The following TGM4 variants were observed in gnomAD, a reference collection of about 807,000 sequenced individuals.
The protein encoded by TGM4 is protein-glutamine gamma-glutamyltransferase 4.
Under a neutral mutation model 76.3 loss-of-function variants are expected in TGM4, and 61 were observed. The ratio of observed to expected loss-of-function variants is 0.80; its 90% confidence interval spans 0.65 to 0.99. The LOEUF is 0.99. Ranked by LOEUF, TGM4 falls within the 50% of genes least tolerant of loss-of-function variation. The pLI, the probability that TGM4 is intolerant of heterozygous loss-of-function variation, is 0.00. For synonymous variants in TGM4, 337 were observed against 329.8 expected, an observed-to-expected ratio of 1.02 and a Z score of -0.24; for missense variants, 794 against 843.2, an observed-to-expected ratio of 0.94 and a Z score of 0.72.
At chr3:44,912,318 C>T (rs926315597) in intron 13 of TGM4, among the ~76,000 whole-genome samples, 1 of 152,036 alleles carries the variant, frequency 6.6e-6, no homozygotes, top group South Asian at 2.1e-4. Context: ...AGGTATTTAT[C>T]TGGAATTTTT....
At chr3:44,881,950 C>T (rs1429904447) in intron 1 of TGM4, among the ~76,000 whole-genome samples, 1 of 151,820 alleles carries the variant, frequency 6.6e-6, no homozygotes, top group Non-Finnish European at 1.5e-5. Context: ...TTTTTCTTTG[C>T]AGGTTTCCCT....
chr3:44,903,819 G>A (rs984303107), intron 8 of TGM4, 65 bp from the exon 9 acceptor site: 2 of 1,433,674 alleles, frequency 1.4e-6, no homozygotes, highest in Admixed American at 1.7e-5. Flanking sequence ...GGCAATTTTG[G>A]CGTATTTATC....
rs1312259838 is a variant in TGM4 at position 44,883,275 on chromosome 3, G to A, written c.20-2050G>A. 2.0e-5 allele frequency among the ~76,000 whole-genome samples: 3 copies of A among 152,200 alleles called. No individual in the cohort carries two copies. In the East Asian group the frequency reaches 5.8e-4, roughly 29 times the overall value. ...CTAAAATTCAGGGGTTGCCAATGTGGTGATACTAAGAGGTGGGGCCTTTAA... is the reference window on the plus strand; with the variant it reads ...CTAAAATTCAGGGGTTGCCAATGTGATGATACTAAGAGGTGGGGCCTTTAA... On this transcript the variant is annotated intron_variant, in intron 1 of 13. Coordinates refer to ENST00000296125, the MANE Select transcript of TGM4 (RefSeq NM_003241.4).
intron 2 of TGM4, among the ~76,000 whole-genome samples, 191 bp downstream of exon 2, chr3:44,885,689 G>T (rs2125749169): frequency 6.6e-6 from 1 of 152,146 alleles, no homozygotes; most frequent in East Asian, 1.9e-4. Context: ...GTCAGGACCT[G>T]GCACATAGTG....
intron 10 of TGM4, among the ~76,000 whole-genome samples, chr3:44,908,193 C>T (rs1400500426): frequency 6.6e-6 from 1 of 152,120 alleles, no homozygotes; most frequent in Non-Finnish European, 1.5e-5. Flanking sequence ...CAAGGCAGCT[C>T]AGGACAAACT....
At chr3:44,904,255 G>A (rs114454622) in intron 9 of TGM4, among the ~76,000 whole-genome samples, 138 of 152,286 alleles carry the variant, frequency 9.1e-4, no homozygotes, top group African/African-American at 3.0e-3. Context: ...CATACCATGC[G>A]CAGTACCTAC....
intron 4 of TGM4, among the ~76,000 whole-genome samples, chr3:44,892,889 A>G (rs9816639): frequency 0.11 from 16,794 of 152,186 alleles, 1,096 homozygotes; most frequent in Middle Eastern, 0.17. Context: ...CATCATCTTT[A>G]GATTCAGGTT....
intron 13 of TGM4, among the ~76,000 whole-genome samples, chr3:44,913,132 C>T (rs934315460): frequency 6.6e-6 from 1 of 151,420 alleles, no homozygotes; most frequent in African/African-American, 2.4e-5. Context: ...TAGGGTGGAG[C>T]CTCAGATTCT....
rs1461825715 is a variant in TGM4 at position 44,901,622 on chromosome 3, C to T, written c.756C>T (p.Ile252=). 4 of 1,614,202 alleles carry T rather than the reference C, an allele frequency of 2.5e-6. No individual in the cohort carries two copies. In the South Asian group the frequency reaches 3.3e-5, roughly 13 times the overall value. ...APYKWTGSAP[I]LQQYYNTKQA... ...ACAAGTGGACAGGCAGTGCCCCGAT[C>T]CTGCAGCAGTACTACAACACGAAGC... Residue 252 remains isoleucine (I), a synonymous_variant, in exon 7 of 14, where the codon ATC becomes ATT. Coordinates refer to ENST00000296125, the MANE Select transcript of TGM4 (RefSeq NM_003241.4).
At chr3:44,902,003 G>C (rs529714928) in intron 8 of TGM4, 72 bp downstream of exon 8, 24 of 1,553,680 alleles carry the variant, frequency 1.5e-5, no homozygotes, top group South Asian at 1.3e-4. Context: ...TTAGAAACAG[G>C]GTCTCTCGCT....
chr3:44,892,826 T>TAGA (rs1241948117), intron 4 of TGM4, among the ~76,000 whole-genome samples: 1 of 152,224 alleles, frequency 6.6e-6, no homozygotes, highest in Non-Finnish European at 1.5e-5. Context: ...TTTTGAGGAC[T>TAGA]AGAAGTCCCC....
At chr3:44,899,442 C>G (rs1416164363) in intron 6 of TGM4, 1 of 152,212 alleles carries the variant, frequency 6.6e-6, no homozygotes, top group African/African-American at 2.4e-5. Context: ...TGCAGATTAG[C>G]TTCCACGCTC....
Position 44,911,423 on chromosome 3 carries a change from T to C in TGM4, c.1913+17T>C. The C allele has an allele frequency of 6.2e-7, 1 of 1,613,304 alleles. No individual in the cohort carries two copies. Among genetic ancestry groups the C allele is most frequent in the African/African-American group, 1.3e-5 (1 of 75,030 alleles). ...TGACCATGGGTGAGTCTGCCTGAGG[T>C]ATTCTTAGAAATATGCTTCTGGACA... is the stretch of plus-strand genomic sequence containing the variant. On this transcript the variant is annotated intron_variant, in intron 13 of 13. Transcript: ENST00000296125.
intron 5 of TGM4, among the ~76,000 whole-genome samples, chr3:44,894,660 T>A (rs111716855): frequency 6.6e-6 from 1 of 151,260 alleles, no homozygotes; most frequent in African/African-American, 2.4e-5. Flanking sequence ...CCCCCAAGAT[T>A]TGACAACAAA....
chr3:44,890,450 C>T (rs1699676116), intron 3 of TGM4, 153 bp from the exon 4 acceptor site: 2 of 1,095,070 alleles, frequency 1.8e-6, no homozygotes, highest in Non-Finnish European at 2.6e-6. Flanking sequence ...CAGGGGCGCT[C>T]CTGGCTGTCC....
At chr3:44,907,341 G>GGT in intron 10 of TGM4, 141 bp downstream of exon 10, 1 of 1,086,084 alleles carries the variant, frequency 9.2e-7, no homozygotes. Flanking sequence ...AAATTAGCTG[G>GGT]GTGTGGTGGC....
At chr3:44,878,992 A>G (rs1699490189) in intron 1 of TGM4, among the ~76,000 whole-genome samples, 1 of 151,752 alleles carries the variant, frequency 6.6e-6, no homozygotes, top group Admixed American at 6.6e-5. Flanking sequence ...TTCTATTAAT[A>G]TTTCTCTAGG....
At chr3:44,887,571 G>A (rs1228265540) in intron 2 of TGM4, 118 bp from the exon 3 acceptor site, 16 of 824,294 alleles carry the variant, frequency 1.9e-5, no homozygotes, top group Non-Finnish European at 2.8e-5. Flanking sequence ...GGGGACAAAT[G>A]AGCCTGGAAA....
intron 2 of TGM4, among the ~76,000 whole-genome samples, 172 bp from the exon 3 acceptor site, chr3:44,887,517 T>G (rs1699624364): frequency 6.6e-6 from 1 of 150,652 alleles, no homozygotes; most frequent in African/African-American, 2.5e-5. Context: ...ACTGGACATG[T>G]GGGGCAGAAG....
Sources: gnomAD v4.1 joint callset for allele counts (sites outside exome capture counted in the v4.1 genomes callset) on GRCh38, gnomAD v4.1.1 for gene constraint, MANE v1.5 for transcripts, NCBI Gene and HGNC (gene_info 2026-07-23, HGNC 2026-07-21) for gene names.